Variants in DYSF observed in about 807,000 individuals in gnomAD.
DYSF encodes dystrophy-associated fer-1-like 1.
A neutral mutation model predicts 274.9 loss-of-function variants in DYSF; 212 were observed. That is an observed-to-expected ratio of 0.77 (90% CI 0.69 to 0.86). The LOEUF is 0.86. Among genes scored for constraint, DYSF ranks in the 40% least tolerant of loss-of-function variants. DYSF has a pLI of 0.00. For missense variants in DYSF, 2,666 were observed against 2,783.2 expected (o/e 0.96, Z 0.95); for synonymous variants, 1,091 against 1,078.7 (o/e 1.01, Z -0.22).
chr2:71,628,280 A>G (rs1266294596), intron 41 of DYSF, among the ~76,000 whole-genome samples: 2 of 152,194 alleles, frequency 1.3e-5, no homozygotes. Flanking sequence ...CAAGGAACTT[A>G]GACTGCTTTA....
chr2:71,652,029 A>G (rs1558730753), intron 42 of DYSF, among the ~76,000 whole-genome samples: 1 of 152,240 alleles, frequency 6.6e-6, no homozygotes, highest in Non-Finnish European at 1.5e-5. Context: ...AACAGCCAAC[A>G]TCCAACTTCA....
chr2:71,561,644 G>C (rs2091772831), intron 22 of DYSF, 108 bp from the exon 23 acceptor site: 1 of 1,348,168 alleles, frequency 7.4e-7, no homozygotes, highest in East Asian at 2.3e-5. Flanking sequence ...CACCCAGCAG[G>C]CAGGCGGAGG....
chr2:71,578,378 A>G (rs2092782528), intron 30 of DYSF, among the ~76,000 whole-genome samples: 1 of 152,162 alleles, frequency 6.6e-6, no homozygotes, highest in Non-Finnish European at 1.5e-5. Context: ...AGGTATGGCA[A>G]GATGACATGT....
At chr2:71,626,237 TTA>T (rs2094203993) in intron 41 of DYSF, among the ~76,000 whole-genome samples, 1 of 151,882 alleles carries the variant, frequency 6.6e-6, no homozygotes, top group Non-Finnish European at 1.5e-5. Context: ...ATGAATGTTT[TTA>T]TGTTTTACCA....
intron 1 of DYSF, chr2:71,454,106 C>G (rs747986054): frequency 1.9e-6 from 3 of 1,610,592 alleles, no homozygotes; most frequent in South Asian, 1.1e-5. Context: ...GCCGACCACC[C>G]TCGCCCGGGG....
intron 40 of DYSF, among the ~76,000 whole-genome samples, chr2:71,618,846 C>G (rs117365216): frequency 6.6e-6 from 1 of 151,744 alleles, no homozygotes; most frequent in Non-Finnish European, 1.5e-5. Context: ...CAGGAGGCCT[C>G]GGGAGACTGT....
rs1024524968 is a variant in DYSF, at chr2:71,669,673, G to A, written c.5711G>A (p.Gly1904Asp). The A allele has an allele frequency of 6.2e-7, 1 of 1,614,150 alleles. No homozygotes were observed. The highest frequency in any genetic ancestry group is 1.3e-5 in the African/African-American group (1 of 75,032). ...CATTATCGTTCCCTGGGAGGTGAAG[G>A]CAACTTCAACTGGAGGTTCATTTTC... ...DVHYRSLGGE[G>D]NFNWRFIFPF... Residue 1904 changes from glycine (G) to aspartate (D), a missense_variant, in exon 51 of 56, where the codon GGC becomes GAC. Physicochemically the swap from Gly to Asp is moderately conservative, Grantham distance 94. Coordinates refer to ENST00000410020, the MANE Select transcript of DYSF (RefSeq NM_001130987.2).
rs763309812 is a variant in DYSF at position 71,660,580 on chromosome 2, C to T, written c.4932C>T (p.Ile1644=). Residue 1644 remains isoleucine, a synonymous_variant, in exon 45 of 56, where the codon ATC becomes ATT. Transcript: ENST00000410020. ...TCCAGTGTGATCCTTACATCAAGAT[C>T]TCCATAGGGAAGAAATCAGTGAGTG... The part of the protein sequence containing the change: ...PNGKCDPYIK[I]SIGKKSVSDQ... 3.9e-5 allele frequency: 63 copies of T among 1,613,970 alleles called. No homozygotes were observed. The highest frequency in any genetic ancestry group is 5.3e-5 in the Non-Finnish European group (63 of 1,179,962).
At chr2:71,631,618 G>T (rs1178113191) in intron 41 of DYSF, among the ~76,000 whole-genome samples, 1 of 152,158 alleles carries the variant, frequency 6.6e-6, no homozygotes, top group African/African-American at 2.4e-5. Context: ...ACAGGGGGAG[G>T]CGAGGGGAGG....
intron 12 of DYSF, among the ~76,000 whole-genome samples, chr2:71,523,789 C>T (rs1360177321): frequency 6.6e-6 from 1 of 152,136 alleles, no homozygotes; most frequent in Non-Finnish European, 1.5e-5. Flanking sequence ...TTGTGATCCA[C>T]TCGCCTCGGC....
At chr2:71,614,592 T>C (rs1379853280) in intron 40 of DYSF, among the ~76,000 whole-genome samples, 1 of 152,194 alleles carries the variant, frequency 6.6e-6, no homozygotes, top group African/African-American at 2.4e-5. Context: ...TTGCCTATCT[T>C]TGGGTCACTG....
chr2:71,605,122 G>A (rs889225335), intron 36 of DYSF, among the ~76,000 whole-genome samples: 5 of 152,122 alleles, frequency 3.3e-5, no homozygotes, highest in African/African-American at 7.2e-5. Flanking sequence ...TTCGCTCTCC[G>A]GTCTGCATTT....
intron 43 of DYSF, among the ~76,000 whole-genome samples, chr2:71,658,642 G>C (rs919549295): frequency 1.3e-5 from 2 of 152,182 alleles, no homozygotes; most frequent in Non-Finnish European, 1.5e-5. Context: ...AAAAGGAGGA[G>C]GAAGCAAAAG....
chr2:71,618,040 GTGTGTGTGTGTGTGTGT>G (rs2093951642), intron 40 of DYSF, among the ~76,000 whole-genome samples: 2 of 26,256 alleles, frequency 7.6e-5, no homozygotes, highest in Admixed American at 4.1e-4. Context: ...GGTAGAGATG[GTGTGTGTGTGTGTGTGT>G]GGTAGAGATG....
intron 14 of DYSF, among the ~76,000 whole-genome samples, chr2:71,529,793 A>G (rs2088445820): frequency 6.6e-6 from 1 of 152,020 alleles, no homozygotes; most frequent in Non-Finnish European, 1.5e-5. Context: ...CAAAGTGGTG[A>G]TTTTCTCATT....
At chr2:71,661,652 G>A (rs1286594250) in intron 45 of DYSF, among the ~76,000 whole-genome samples, 1 of 152,232 alleles carries the variant, frequency 6.6e-6, no homozygotes, top group African/African-American at 2.4e-5. Context: ...CTGTTTGGAT[G>A]TGAGCTTGTT....
intron 41 of DYSF, among the ~76,000 whole-genome samples, chr2:71,637,854 C>G (rs1237876601): frequency 6.6e-6 from 1 of 152,142 alleles, no homozygotes; most frequent in Admixed American, 6.5e-5. Context: ...GTTAAAGGTG[C>G]AGGCCATTGA....
At chr2:71,600,203 C>T (rs1360444414) in intron 33 of DYSF, among the ~76,000 whole-genome samples, 1 of 152,206 alleles carries the variant, frequency 6.6e-6, no homozygotes, top group Admixed American at 6.5e-5. Flanking sequence ...GAAGAAAAGG[C>T]ACCTGCCTTG....
chr2:71,457,076 A>G (rs546316029), intron 1 of DYSF, among the ~76,000 whole-genome samples: 6 of 152,232 alleles, frequency 3.9e-5, no homozygotes, highest in Non-Finnish European at 8.8e-5. Context: ...GCACAAAAGC[A>G]TACCATTGTC....
Sources: allele counts gnomAD v4.1 joint callset (sites outside exome capture counted in the v4.1 genomes callset), GRCh38; gene constraint gnomAD v4.1.1; transcripts MANE v1.5; gene names NCBI Gene and HGNC (gene_info 2026-07-23, HGNC 2026-07-21).